Variants in NAV1 observed in about 807,000 individuals in gnomAD.
NAV1 encodes pore membrane and/or filament interacting like protein 3.
A neutral mutation model predicts 175.2 loss-of-function variants in NAV1; 18 were observed. The observed-to-expected ratio is 0.10, with a 90% CI of 0.07 to 0.15. NAV1 has a LOEUF of 0.15. Ranked by LOEUF, NAV1 falls within the 10% of genes least tolerant of loss-of-function variation. NAV1 has a pLI of 1.00. For synonymous variants in NAV1, 897 were observed against 978.7 expected, an observed-to-expected ratio of 0.92 and a Z score of 1.56; for missense variants, 1,731 against 2,436.6, an observed-to-expected ratio of 0.71 and a Z score of 6.10.
chr1:201,562,962 C>T lies in NAV1; in HGVS notation c.-144+23620C>T, dbSNP rs149461113. Among the ~76,000 whole-genome samples the T allele has an allele frequency of 2.0e-3, 298 of 152,272 alleles. 1 individual carries two copies. The highest frequency in any genetic ancestry group is 6.9e-3 in the African/African-American group (288 of 41,548). ...AAGTAGGGATGATAACAGCCTAGGA[C>T]GGTGGGTGAATCAGTGAGGTAATGC... On this transcript the variant is annotated intron_variant, in intron 1 of 33. Transcript: ENST00000685211.
intron 1 of NAV1, among the ~76,000 whole-genome samples, chr1:201,697,005 A>T (rs1035484525): frequency 1.3e-5 from 2 of 152,140 alleles, no homozygotes; most frequent in African/African-American, 4.8e-5. Flanking sequence ...TAAACAAAAA[A>T]TTTTTTTAAA....
At chr1:201,667,737 C>T (rs1435853943) in intron 1 of NAV1, among the ~76,000 whole-genome samples, 1 of 152,202 alleles carries the variant, frequency 6.6e-6, no homozygotes, top group Non-Finnish European at 1.5e-5. Context: ...GCTTTTAAGC[C>T]TCATAAATAT....
intron 2 of NAV1, among the ~76,000 whole-genome samples, chr1:201,603,564 G>A (rs1558014727): frequency 6.6e-6 from 1 of 152,150 alleles, no homozygotes; most frequent in Non-Finnish European, 1.5e-5. Flanking sequence ...TTCTTTCACT[G>A]TCTTCTACAT....
At chr1:201,549,927 C>T (rs554774413) in intron 1 of NAV1, among the ~76,000 whole-genome samples, 92 of 143,718 alleles carry the variant, frequency 6.4e-4, no homozygotes, top group African/African-American at 2.2e-3. Flanking sequence ...AGGAGAATGG[C>T]GTGAACCCAG....
chr1:201,784,762 T>TTTG (rs149712842), intron 7 of NAV1, among the ~76,000 whole-genome samples: 2,100 of 151,786 alleles, frequency 0.014, 45 homozygotes, highest in African/African-American at 0.048. Context: ...TTGTTTGTTT[T>TTTG]TTGTTGTTGT....
chr1:201,691,353 G>A (rs1670931046), intron 1 of NAV1, among the ~76,000 whole-genome samples: 1 of 152,248 alleles, frequency 6.6e-6, no homozygotes, highest in South Asian at 2.1e-4. Context: ...AAGGACCAGA[G>A]AAGCCTCCCT....
chr1:201,734,493 G>GAAGAAGAAGAAGAAGAAGAAGA (rs1558109103), intron 3 of NAV1, among the ~76,000 whole-genome samples: 1 of 71,628 alleles, frequency 1.4e-5, no homozygotes, highest in Admixed American at 1.3e-4. Context: ...GAGGAAGAAG[G>GAAGAAGAAGAAGAAGAAGAAGA]AGAAGGAGAA....
intron 1 of NAV1, among the ~76,000 whole-genome samples, chr1:201,624,680 A>T (rs535051944): frequency 2.6e-5 from 4 of 152,280 alleles, no homozygotes; most frequent in Middle Eastern, 3.4e-3. Flanking sequence ...AAATATAATT[A>T]TACTAAAAAG....
chr1:201,665,707 C>T (rs1278840249), intron 1 of NAV1, among the ~76,000 whole-genome samples: 1 of 151,450 alleles, frequency 6.6e-6, no homozygotes, highest in Non-Finnish European at 1.5e-5. Flanking sequence ...GGCTCCTTTA[C>T]TGCAGACACA....
rs188498429 is a variant in NAV1, at chr1:201,665,309, T to C, written c.757+15884T>C. 6.6e-4 allele frequency among the ~76,000 whole-genome samples: 101 copies of C among 152,242 alleles called. 2 individuals are homozygous for C. The East Asian group carries it at 0.019, about 28-fold the overall frequency. Reference sequence around the variant, plus strand: ...TTCTGGCCTCTTTTCCGAGGCCAGCTCTGCAGAGTTTGCCTGGGTACAATG... The same window carrying C: ...TTCTGGCCTCTTTTCCGAGGCCAGCCCTGCAGAGTTTGCCTGGGTACAATG... On this transcript the variant is annotated intron_variant, in intron 1 of 29. Transcript: ENST00000367296.
chr1:201,703,282 A>C (rs1193031279), intron 1 of NAV1, among the ~76,000 whole-genome samples: 1 of 152,214 alleles, frequency 6.6e-6, no homozygotes, highest in Non-Finnish European at 1.5e-5. Context: ...ACAGAGGGCC[A>C]CGTCTCCAGG....
chr1:201,564,481 G>A (rs529406321), intron 1 of NAV1, among the ~76,000 whole-genome samples: 3 of 152,302 alleles, frequency 2.0e-5, no homozygotes, highest in Admixed American at 2.0e-4. Flanking sequence ...TGGGTGTGGT[G>A]ACACACACCT....
chr1:201,756,157 A>G (rs1674450662), intron 3 of NAV1, among the ~76,000 whole-genome samples: 1 of 151,780 alleles, frequency 6.6e-6, no homozygotes, highest in Non-Finnish European at 1.5e-5. Flanking sequence ...TAGATCCAGC[A>G]TGAAAAAGTT....
At chr1:201,784,413 T>C (rs1028221051) in intron 7 of NAV1, among the ~76,000 whole-genome samples, 8 of 151,992 alleles carry the variant, frequency 5.3e-5, no homozygotes, top group South Asian at 2.1e-4. Context: ...CTACATCAGC[T>C]TCCCAAAGTG....
intron 3 of NAV1, among the ~76,000 whole-genome samples, chr1:201,754,042 G>GT (rs1047463069): frequency 4.6e-5 from 7 of 152,080 alleles, no homozygotes; most frequent in South Asian, 2.1e-4. Flanking sequence ...CTTAGCAAGT[G>GT]TTTTTTTTCC....
At position 201,720,104 on chromosome 1, in the gene NAV1, A is replaced by G. The variant is rs1227578227; in HGVS notation, c.1226+1349A>G. On this transcript the variant is annotated intron_variant, in intron 3 of 29. Transcript: ENST00000367296. The stretch of plus-strand genomic sequence containing the variant: ...CTGGAGCTGGGACCAGAGAAAAGCC[A>G]TGCAGTGCACAGATCCTGAGCTCCT... Among the ~76,000 whole-genome samples the G allele has an allele frequency of 3.3e-5, 5 of 152,344 alleles. No individual in the cohort carries two copies. The South Asian group carries it at 1.0e-3, about 32-fold the overall frequency.
At chr1:201,605,129 C>CT (rs572596717) in intron 2 of NAV1, among the ~76,000 whole-genome samples, 1,613 of 139,744 alleles carry the variant, frequency 0.012, 19 homozygotes, top group Admixed American at 0.031. Flanking sequence ...CTGGCTTCTG[C>CT]TTTTTTTTTT....
At chr1:201,572,659 C>T (rs372151118) in intron 1 of NAV1, among the ~76,000 whole-genome samples, 2 of 152,158 alleles carry the variant, frequency 1.3e-5, no homozygotes, top group East Asian at 3.9e-4. Flanking sequence ...TGAGCCACCG[C>T]GCCTGGCCAG....
intron 25 of NAV1, 43 bp from the exon 30 acceptor site, chr1:201,811,860 G>A: frequency 6.2e-7 from 1 of 1,613,208 alleles, no homozygotes; most frequent in Non-Finnish European, 8.5e-7. Context: ...AAGCAAGTGT[G>A]AAGGCAAGTC....
Sources: allele counts gnomAD v4.1 joint callset (sites outside exome capture counted in the v4.1 genomes callset), GRCh38; gene constraint gnomAD v4.1.1; transcripts MANE v1.5; gene names NCBI Gene and HGNC (gene_info 2026-07-23, HGNC 2026-07-21).